ZBTB7C: variants seen among roughly 807,000 people sequenced by gnomAD.
ZBTB7C encodes zinc finger and BTB domain-containing protein 7C.
Under a neutral mutation model 25.7 loss-of-function variants are expected in ZBTB7C, and 8 were observed. The ratio of observed to expected loss-of-function variants is 0.31; its 90% CI spans 0.18 to 0.56. ZBTB7C has a LOEUF of 0.56. ZBTB7C is among the 20% of genes least tolerant of loss of function. The pLI is 0.91. For synonymous variants in ZBTB7C, 394 were observed against 369.0 expected (o/e 1.07, Z -0.78); for missense variants, 824 against 855.2 (o/e 0.96, Z 0.46).
intron 3 of ZBTB7C, among the ~76,000 whole-genome samples, chr18:48,153,945 G>A (rs1205492852): frequency 6.6e-6 from 1 of 152,238 alleles, no homozygotes; most frequent in Non-Finnish European, 1.5e-5. Context: ...CAGCTCTGAG[G>A]AAAGGGTCAG....
At chr18:48,359,210 C>A (rs1481087840) in intron 1 of ZBTB7C, among the ~76,000 whole-genome samples, 3 of 152,192 alleles carry the variant, frequency 2.0e-5, no homozygotes. Flanking sequence ...CATGAACTCA[C>A]ACGCACAGCC....
chr18:48,159,026 T>C (rs2040921972), intron 3 of ZBTB7C, among the ~76,000 whole-genome samples: 1 of 152,012 alleles, frequency 6.6e-6, no homozygotes, highest in Non-Finnish European at 1.5e-5. Flanking sequence ...TCCACTTCCA[T>C]CTTCCTCAGC....
chr18:48,248,254 T>A (rs2043751842), intron 2 of ZBTB7C, among the ~76,000 whole-genome samples: 1 of 152,228 alleles, frequency 6.6e-6, no homozygotes, highest in South Asian at 2.1e-4. Context: ...GTAATTTTCC[T>A]GAGGCCTCCC....
intron 2 of ZBTB7C, among the ~76,000 whole-genome samples, chr18:48,269,949 G>A (rs1425483344): frequency 6.6e-6 from 1 of 152,274 alleles, no homozygotes; most frequent in South Asian, 2.1e-4. Context: ...AGAAAAGCCA[G>A]CTAATGTTGT....
At chr18:48,290,254 T>A (rs946276051) in intron 2 of ZBTB7C, among the ~76,000 whole-genome samples, 1 of 152,202 alleles carries the variant, frequency 6.6e-6, no homozygotes, top group Non-Finnish European at 1.5e-5. Context: ...GCTGGGGCTG[T>A]TAGGTCCAGC....
At chr18:48,076,444 A>G (rs951139318) in intron 3 of ZBTB7C, among the ~76,000 whole-genome samples, 5 of 152,160 alleles carry the variant, frequency 3.3e-5, no homozygotes, top group African/African-American at 4.8e-5. Context: ...GGGGTTTCCA[A>G]TGGGCAAAGG....
At chr18:48,117,836 T>A (rs542442213) in intron 3 of ZBTB7C, among the ~76,000 whole-genome samples, 3 of 152,204 alleles carry the variant, frequency 2.0e-5, no homozygotes, top group Non-Finnish European at 4.4e-5. Context: ...CCAGAAGAGA[T>A]GGGTGGGCAT....
chr18:48,171,111 G>A (rs1356155327), intron 3 of ZBTB7C, among the ~76,000 whole-genome samples: 1 of 152,236 alleles, frequency 6.6e-6, no homozygotes, highest in Non-Finnish European at 1.5e-5. Flanking sequence ...TCCCTTGGCA[G>A]TAGAAGAAGA....
intron 3 of ZBTB7C, among the ~76,000 whole-genome samples, chr18:48,160,935 G>GT (rs59824886): frequency 0.047 from 6,450 of 136,872 alleles, 182 homozygotes; most frequent in Middle Eastern, 0.083. Flanking sequence ...TTTGAGACAA[G>GT]TTTTTTTTTT....
intron 3 of ZBTB7C, among the ~76,000 whole-genome samples, chr18:48,127,800 G>A (rs142230622): frequency 2.0e-5 from 3 of 152,332 alleles, no homozygotes; most frequent in Non-Finnish European, 2.9e-5. Context: ...CAGAGGGTGC[G>A]CCACAGGAGT....
At chr18:48,198,996 G>A (rs907080313) in intron 2 of ZBTB7C, among the ~76,000 whole-genome samples, 1 of 152,188 alleles carries the variant, frequency 6.6e-6, no homozygotes, top group African/African-American at 2.4e-5. Flanking sequence ...TTCTTGACTG[G>A]CAGGAATAGA....
chr18:48,057,905 G>A (rs1279885716), intron 3 of ZBTB7C, among the ~76,000 whole-genome samples: 3 of 152,202 alleles, frequency 2.0e-5, no homozygotes, highest in Admixed American at 1.3e-4. Context: ...GACATTAGAG[G>A]TGGCCCATGT....
chr18:48,199,300 G>T (rs928349639), intron 2 of ZBTB7C, among the ~76,000 whole-genome samples: 1 of 152,092 alleles, frequency 6.6e-6, no homozygotes, highest in African/African-American at 2.4e-5. Context: ...TCCATTTCTG[G>T]AACTCCTACT....
chr18:48,095,510 G>C (rs1036779590), intron 3 of ZBTB7C, among the ~76,000 whole-genome samples: 5 of 152,048 alleles, frequency 3.3e-5, no homozygotes, highest in Non-Finnish European at 5.9e-5. Flanking sequence ...TCAGGGGTTC[G>C]AGACCAGCCT....
intron 3 of ZBTB7C, among the ~76,000 whole-genome samples, chr18:48,113,975 T>C (rs2039336541): frequency 1.3e-5 from 2 of 152,176 alleles, no homozygotes; most frequent in Non-Finnish European, 2.9e-5. Context: ...AGGAGGGTGG[T>C]GGTGTCCCAT....
chr18:48,241,850 C>CT (rs2043538744), intron 2 of ZBTB7C, among the ~76,000 whole-genome samples: 1 of 151,430 alleles, frequency 6.6e-6, no homozygotes, highest in East Asian at 1.9e-4. Flanking sequence ...AAGAAATAAC[C>CT]AAGATTAGAG....
upstream of ZBTB7C, chr18:48,409,388 C>G (rs1215064524): frequency 1.4e-5 from 2 of 147,426 alleles, no homozygotes; most frequent in Non-Finnish European, 3.0e-5. Flanking sequence ...GGGTATGGAG[C>G]TGAGCGGCGG....
chr18:48,039,482 T>C (rs911650493), intron 4 of ZBTB7C, among the ~76,000 whole-genome samples: 1 of 152,294 alleles, frequency 6.6e-6, no homozygotes, highest in East Asian at 1.9e-4. Flanking sequence ...ATGCAGAATA[T>C]GCTTAATAAA....
At chr18:48,135,304 T>G (rs926931080) in intron 3 of ZBTB7C, among the ~76,000 whole-genome samples, 3 of 152,160 alleles carry the variant, frequency 2.0e-5, no homozygotes, top group African/African-American at 7.2e-5. Flanking sequence ...AAGTTAATAT[T>G]AAGTGTAACA....
Sources: allele counts gnomAD v4.1 joint callset (sites outside exome capture counted in the v4.1 genomes callset), GRCh38; gene constraint gnomAD v4.1.1; transcripts MANE v1.5; gene names NCBI Gene and HGNC (gene_info 2026-07-23, HGNC 2026-07-21).